TTC7A: variants seen among roughly 807,000 people sequenced by gnomAD.
TTC7A encodes tetratricopeptide repeat domain 7A, also known as tetratricopeptide repeat protein 7A.
Under a neutral mutation model 103.7 loss-of-function variants are expected in TTC7A, and 110 were observed. That is an observed-to-expected ratio of 1.06 (90% CI 0.91 to 1.24). The LOEUF (loss-of-function observed/expected upper bound fraction) is 1.24. Ranked by LOEUF, TTC7A falls within the 50% of genes most tolerant of loss-of-function variation. The pLI, the probability that TTC7A is intolerant of heterozygous loss-of-function variation, is 0.00. For synonymous variants in TTC7A, 521 were observed against 467.9 expected (o/e 1.11, Z -1.47); for missense variants, 1,340 against 1,116.3 (o/e 1.20, Z -2.86).
intron 2 of TTC7A, among the ~76,000 whole-genome samples, chr2:46,927,689 G>A (rs951918711): frequency 6.6e-6 from 1 of 151,934 alleles, no homozygotes; most frequent in Non-Finnish European, 1.5e-5. Context: ...AGGAGCAACA[G>A]ACGGCTGACT....
At chr2:46,922,259 A>C (rs1196942241) in intron 2 of TTC7A, among the ~76,000 whole-genome samples, 1 of 152,110 alleles carries the variant, frequency 6.6e-6, no homozygotes, top group Non-Finnish European at 1.5e-5. Context: ...TCCTCCTCAG[A>C]ATTTCTCAGC....
At chr2:47,026,247 G>A (rs950792583) in intron 14 of TTC7A, among the ~76,000 whole-genome samples, 1 of 152,198 alleles carries the variant, frequency 6.6e-6, no homozygotes, top group African/African-American at 2.4e-5. Flanking sequence ...TGATGGCTGT[G>A]GATTTGGATA....
At chr2:46,972,907 T>C (rs1673498146) in intron 3 of TTC7A, among the ~76,000 whole-genome samples, 3 of 152,184 alleles carry the variant, frequency 2.0e-5, no homozygotes, top group African/African-American at 7.2e-5. Flanking sequence ...AAATATAGTG[T>C]AGAAAGTGGT....
chr2:46,951,782 A>C (rs920785426), intron 2 of TTC7A: 60 of 407,642 alleles, frequency 1.5e-4, no homozygotes, highest in Middle Eastern at 3.5e-4. Context: ...ACTGTGTGCA[A>C]GGCATTGTGT....
In TTC7A at chr2:46,927,897, T is replaced by C. The variant is rs913579176; in HGVS notation, c.82+10620T>C. Among the ~76,000 whole-genome samples the C allele has an allele frequency of 2.1e-4, 28 of 131,284 alleles. 1 individual carries two copies. The highest frequency in any genetic ancestry group is 3.8e-4 in the Non-Finnish European group (23 of 60,760). 86.1% of individuals were successfully genotyped at this position (131,284 alleles called of 152,430 possible). A position where few individuals can be genotyped will look rare whatever the true frequency, so the allele number is the denominator to read the frequency against. On this transcript the variant is annotated intron_variant, in intron 2 of 20. Transcript: ENST00000409245. The stretch of plus-strand genomic sequence containing the variant: ...GGTTTTTTTGGTGTTTTTTTTTTTT[T>C]TTTTTTTTTTTTTTGAGACAGGGTC...
intron 14 of TTC7A, among the ~76,000 whole-genome samples, chr2:47,026,810 C>T (rs376327154): frequency 6.6e-6 from 1 of 152,182 alleles, no homozygotes; most frequent in African/African-American, 2.4e-5. Flanking sequence ...CCATTATCCT[C>T]GTTTTGTAGC....
chr2:47,029,272 G>T lies in TTC7A; in HGVS notation c.1690G>T (p.Asp564Tyr). ...QLQEALKVRK[D>Y]DAHALHLLAL... Reference sequence around the variant, plus strand: ...GCAGGAGGCCCTGAAGGTACGCAAGGATGATGCCCACGCCCTCCACCTGCT... The same window carrying T: ...GCAGGAGGCCCTGAAGGTACGCAAGTATGATGCCCACGCCCTCCACCTGCT... Residue 564 changes from aspartate (D) to tyrosine (Y), a missense_variant, in exon 15 of 20, where the codon GAT (aspartate) becomes TAT (tyrosine). Physicochemically the swap from Asp to Tyr is radical, Grantham distance 160. Transcript: ENST00000319190. The T allele has an allele frequency of 6.2e-7, 1 of 1,614,044 alleles. No homozygotes were observed. Among genetic ancestry groups the T allele is most frequent in the Non-Finnish European group, 8.5e-7 (1 of 1,180,036 alleles).
chr2:47,033,356 CT>C (rs1229393718), intron 15 of TTC7A, among the ~76,000 whole-genome samples: 1 of 152,224 alleles, frequency 6.6e-6, no homozygotes, highest in Non-Finnish European at 1.5e-5. Flanking sequence ...TGCCTGAGGC[CT>C]ATTAGAGGCG....
chr2:47,042,965 C>T (rs1176211111), intron 15 of TTC7A, among the ~76,000 whole-genome samples: 1 of 152,226 alleles, frequency 6.6e-6, no homozygotes, highest in Non-Finnish European at 1.5e-5. Context: ...CAGCTTCCCC[C>T]AGGAGTCACA....
rs1319679937 is a variant in TTC7A at position 47,054,276 on chromosome 2, G to A, written c.2152+2396G>A. 1.1e-5 allele frequency: 6 copies of A among 552,986 alleles called. No individual in the cohort carries two copies. The East Asian group carries it at 8.9e-4, about 82-fold the overall frequency. The allele number at this position is 552,986 out of a possible 1,614,324, so 34.3% of individuals were successfully genotyped here. A position where few individuals can be genotyped will look rare whatever the true frequency, so the allele number is the denominator to read the frequency against. ...ATGTAACAGTTTACAGTTTACAGAT[G>A]ACAGCCTTGACTGGGACAGCGACTC... On this transcript the variant is annotated intron_variant, in intron 18 of 19. Transcript: ENST00000319190.
At chr2:47,001,814 AC>A (rs1231629670) in intron 8 of TTC7A, among the ~76,000 whole-genome samples, 1 of 149,392 alleles carries the variant, frequency 6.7e-6, no homozygotes, top group African/African-American at 2.5e-5. Flanking sequence ...AGCCGAGACC[AC>A]ACCACTGCTC....
intron 3 of TTC7A, among the ~76,000 whole-genome samples, chr2:46,973,509 G>A (rs2104214041): frequency 6.6e-6 from 1 of 152,330 alleles, no homozygotes; most frequent in African/African-American, 2.4e-5. Flanking sequence ...TGCCGGTTGA[G>A]GTGAACTGTT....
intron 2 of TTC7A, among the ~76,000 whole-genome samples, chr2:46,923,605 G>T (rs539641402): frequency 6.6e-6 from 1 of 152,160 alleles, no homozygotes; most frequent in Non-Finnish European, 1.5e-5. Context: ...TTAAAACTCA[G>T]AATTGACCAG....
intron 5 of TTC7A, among the ~76,000 whole-genome samples, chr2:46,987,399 G>A (rs148972914): frequency 1.3e-5 from 2 of 152,330 alleles, no homozygotes; most frequent in African/African-American, 4.8e-5. Flanking sequence ...AAAGGGGAGG[G>A]GGACCGTGCA....
At chr2:47,065,062 C>T (rs1262491916) in intron 19 of TTC7A, among the ~76,000 whole-genome samples, 2 of 152,080 alleles carry the variant, frequency 1.3e-5, no homozygotes, top group African/African-American at 4.8e-5. Context: ...CCGAGGCGGG[C>T]GGATCACGAG....
Position 46,974,976 on chromosome 2 carries a change from T to C in TTC7A, c.521T>C (p.Leu174Pro). Residue 174 changes from leucine (L) to proline (P), a missense_variant, in exon 4 of 20, where the codon CTC becomes CCC. Transcript: ENST00000319190. ...LLSEAFVIKG[L>P]SLERLPNSIA... ...AGGCACCCTCTTCCTCCCGCAGGCC[T>C]CTCTCTGGAACGCCTACCCAACTCC... The C allele has an allele frequency of 1.2e-6, 2 of 1,613,386 alleles. No homozygotes were observed. Among genetic ancestry groups the C allele is most frequent in the Non-Finnish European group, 1.7e-6 (2 of 1,179,618 alleles).
At chr2:46,972,524 C>G (rs1362844715) in intron 3 of TTC7A, among the ~76,000 whole-genome samples, 1 of 152,150 alleles carries the variant, frequency 6.6e-6, no homozygotes, top group Non-Finnish European at 1.5e-5. Context: ...CTTAACAACC[C>G]CAGTGGAAAG....
chr2:47,024,897 G>T (rs947704743), intron 14 of TTC7A, among the ~76,000 whole-genome samples: 1 of 152,134 alleles, frequency 6.6e-6, no homozygotes, highest in African/African-American at 2.4e-5. Flanking sequence ...TTCCCCAGGG[G>T]TGCTGAGAGA....
At chr2:47,014,713 C>T (rs1046098819) in intron 11 of TTC7A, among the ~76,000 whole-genome samples, 1 of 152,256 alleles carries the variant, frequency 6.6e-6, no homozygotes, top group African/African-American at 2.4e-5. Flanking sequence ...ACGTCAGCCC[C>T]CAGCAGGCCC....
Sources: allele counts gnomAD v4.1 joint callset (sites outside exome capture counted in the v4.1 genomes callset), GRCh38; gene constraint gnomAD v4.1.1; transcripts MANE v1.5; gene names NCBI Gene and HGNC (gene_info 2026-07-23, HGNC 2026-07-21).